The following EP400 variants were observed in gnomAD, a reference collection of about 807,000 sequenced individuals.
EP400 encodes the protein E1A-binding protein p400.
A neutral mutation model predicts 354.1 loss-of-function variants in EP400; 105 were observed. The ratio of observed to expected loss-of-function variants is 0.30; its 90% CI spans 0.25 to 0.35. The LOEUF (loss-of-function observed/expected upper bound fraction) is 0.35. Among genes scored for constraint, EP400 ranks in the 10% least tolerant of loss-of-function variants. The probability of loss-of-function intolerance (pLI) is 1.00; values close to 1 mark genes in which losing one functional copy is unlikely to be tolerated. For synonymous variants in EP400, 1,646 were observed against 1,716.9 expected, an observed-to-expected ratio of 0.96 and a Z score of 1.02; for missense variants, 3,280 against 4,121.0, an observed-to-expected ratio of 0.80 and a Z score of 5.59.
In EP400 at chr12:132,018,679, G is replaced by T. The variant is rs1894024028; in HGVS notation, c.4277+303G>T. Among the ~76,000 whole-genome samples the T allele has an allele frequency of 6.6e-6, 1 of 152,202 alleles. No individual in the cohort carries two copies. The highest frequency in any genetic ancestry group is 1.5e-5 in the Non-Finnish European group (1 of 68,028). Reference sequence around the variant, plus strand: ...GGTGCCTCGTGTGGTGGAGGCTGGTGTGGCCGAACCACACATGTGTCGTGA... The same window carrying T: ...GGTGCCTCGTGTGGTGGAGGCTGGTTTGGCCGAACCACACATGTGTCGTGA... On this transcript the variant is annotated intron_variant, in intron 21 of 52. Transcript: ENST00000389561. This position sits in a 1 kb window ranked among gnomAD's most constrained non-coding sequence, Gnocchi z 4.0.
chr12:131,982,469 C>A lies in EP400; in HGVS notation c.1920C>A (p.Ser640=), dbSNP rs1445257772. 2 of 1,603,294 alleles carry A rather than the reference C, an allele frequency of 1.2e-6. No homozygotes were observed. Among genetic ancestry groups the A allele is most frequent in the African/African-American group, 2.7e-5 (2 of 74,624 alleles). The change falls in exon 5 of 53, where the codon TCC becomes TCA. Residue 640 remains serine, a synonymous_variant. Coordinates refer to ENST00000389561, the MANE Select transcript of EP400 (RefSeq NM_015409.5). ...KVQVQASQLS[S]LPQMVASTRL... The stretch of plus-strand genomic sequence containing the variant: ...AGGTGCAGGCCTCTCAGCTTTCCTC[C>A]CTGCCACAGGTATGAGAAAAGATAG...
In EP400 at chr12:131,986,739, A is replaced by G; in HGVS notation, c.2155A>G (p.Ser719Gly). 1 of 1,614,248 alleles carries G rather than the reference A, an allele frequency of 6.2e-7. No homozygotes were observed. Among genetic ancestry groups the G allele is most frequent in the Non-Finnish European group, 8.5e-7 (1 of 1,180,048 alleles). ...GGCATCTGCCCCCACCAAACCACAG[A>G]GTCCTGCTCAGAATGCCACCTCGTC... is the stretch of plus-strand genomic sequence containing the variant. ...VVASAPTKPQSPAQNATSSQD... is the reference protein window; with the variant it reads ...VVASAPTKPQGPAQNATSSQD... Residue 719 changes from serine (S) to glycine (G), a missense_variant, in exon 6 of 53, where the codon AGT becomes GGT. This residue lies in a region of EP400 where 800 missense variants were observed against 840.0 expected (regional missense o/e 0.95). Transcript: ENST00000389561.
At chr12:132,047,072 G>C (rs1895122727) in intron 39 of EP400, among the ~76,000 whole-genome samples, 1 of 152,254 alleles carries the variant, frequency 6.6e-6, no homozygotes, top group Admixed American at 6.5e-5. Context: ...ATAGTAGCCA[G>C]ATCCATCCTC....
chr12:132,012,354 G>A (rs1280816736), intron 16 of EP400, among the ~76,000 whole-genome samples: 3 of 152,222 alleles, frequency 2.0e-5, no homozygotes, highest in African/African-American at 7.2e-5. Flanking sequence ...AGCAGATTTA[G>A]TGTCTGGTGA....
At chr12:131,965,747 T>A (rs1408628986) in intron 2 of EP400, among the ~76,000 whole-genome samples, 1 of 152,244 alleles carries the variant, frequency 6.6e-6, no homozygotes, top group Non-Finnish European at 1.5e-5. Context: ...TTCTTTCACT[T>A]AAGATAATGC....
chr12:132,032,323 T>C (rs1281798575), intron 30 of EP400, among the ~76,000 whole-genome samples, 174 bp downstream of exon 30: 2 of 152,236 alleles, frequency 1.3e-5, no homozygotes, highest in African/African-American at 2.4e-5. Flanking sequence ...ATGCATGATA[T>C]CTAATTTTAA....
Position 132,037,962 on chromosome 12 carries a change from C to T in EP400, c.6073C>T (p.Gln2025Ter). ...ACATCTCTGTGTTCAGCGAACCATC[C>T]AGGAGCTGTTTGAAGTTTATTCTCC... The part of the protein sequence containing the change: ...SMAFLTQRTI[Q>*]ELFEVYSPMD... Residue 2025 changes from glutamine (Q) to a stop codon, truncating the protein, a stop_gained, in exon 32 of 53, where the codon CAG becomes TAG. Transcript: ENST00000389561. LOFTEE classifies it high-confidence loss of function. The T allele has an allele frequency of 6.2e-7, 1 of 1,614,204 alleles. No homozygotes were observed. The highest frequency in any genetic ancestry group is 8.5e-7 in the Non-Finnish European group (1 of 1,180,032).
chr12:132,060,690 G>A (rs566366900), intron 45 of EP400, among the ~76,000 whole-genome samples: 4 of 152,258 alleles, frequency 2.6e-5, no homozygotes, highest in Non-Finnish European at 5.9e-5. Context: ...GGCCGAGGCG[G>A]GCAGATCTGA....
intron 45 of EP400, among the ~76,000 whole-genome samples, chr12:132,058,854 A>AGC (rs1895601696): frequency 6.7e-6 from 1 of 149,916 alleles, no homozygotes; most frequent in African/African-American, 2.5e-5. Flanking sequence ...GGGTACAATC[A>AGC]CAGCTCACTG....
Position 132,045,513 on chromosome 12 carries a change from C to A in EP400, c.6979C>A (p.Gln2327Lys). 6.2e-7 allele frequency: 1 copy of A among 1,614,196 alleles called. No homozygotes were observed. The highest frequency in any genetic ancestry group is 1.1e-5 in the South Asian group (1 of 91,060). ...TGCCAAACCCACAGCTGAGCCTGGT[C>A]AAGACAACCCCGAGTGGCTCATCAG... is the stretch of plus-strand genomic sequence containing the variant. ...TFAKPTAEPG[Q>K]DNPEWLISED... The change falls in exon 38 of 53, where the codon CAA becomes AAA. Residue 2327 changes from glutamine to lysine, a missense_variant. Physicochemically the swap from Gln to Lys is moderately conservative, Grantham distance 53. Transcript: ENST00000389561.
intron 51 of EP400, among the ~76,000 whole-genome samples, chr12:132,071,913 GGT>G (rs748424472): frequency 9.9e-5 from 15 of 152,214 alleles, no homozygotes; most frequent in Non-Finnish European, 2.1e-4. Context: ...CATGAGTACA[GGT>G]GTGTCCGAGG....
intron 7 of EP400, 64 bp downstream of exon 7, chr12:131,987,954 T>A: frequency 7.4e-7 from 1 of 1,348,924 alleles, no homozygotes; most frequent in Middle Eastern, 2.5e-4. Context: ...TTTGCAGTGG[T>A]GTAAGTGGTG....
chr12:132,019,629 G>A (rs1225238746), intron 21 of EP400, among the ~76,000 whole-genome samples: 1 of 152,166 alleles, frequency 6.6e-6, no homozygotes, highest in Non-Finnish European at 1.5e-5. Flanking sequence ...TTGAAGCCGG[G>A]AGTTTGAGGC....
At chr12:131,997,130 C>G (rs1893240922) in intron 12 of EP400, among the ~76,000 whole-genome samples, 1 of 152,024 alleles carries the variant, frequency 6.6e-6, no homozygotes, top group Non-Finnish European at 1.5e-5. Flanking sequence ...GAGTGCCAAC[C>G]CGCCCCCACC....
intron 39 of EP400, among the ~76,000 whole-genome samples, chr12:132,048,519 A>ATT (rs35268260): frequency 0.023 from 3,120 of 133,584 alleles, 104 homozygotes; most frequent in South Asian, 0.094. Flanking sequence ...TTTGAGAGTG[A>ATT]TTTTTTTTTT....
At chr12:131,996,568 G>A (rs1163496680) in intron 12 of EP400, among the ~76,000 whole-genome samples, 1 of 152,056 alleles carries the variant, frequency 6.6e-6, no homozygotes, top group African/African-American at 2.4e-5. Flanking sequence ...TGGGATTACA[G>A]GCTTGAGCCA....
In EP400 at chr12:132,054,555, A is replaced by G. The variant is rs566411594; in HGVS notation, c.7729-419A>G. Among the ~76,000 whole-genome samples the G allele has an allele frequency of 6.6e-6, 1 of 152,238 alleles. No individual in the cohort carries two copies. The highest frequency in any genetic ancestry group is 2.1e-4 in the South Asian group (1 of 4,818). ...TTTCTGAGGACTTGGCATTTGAGCT[A>G]AGGCCTGAATGACAAGGAGTTGGTC... is the stretch of plus-strand genomic sequence containing the variant. On this transcript the variant is annotated intron_variant, in intron 43 of 52. Transcript: ENST00000389561. The surrounding 1 kb of genome is among the most constrained non-coding windows in gnomAD (Gnocchi z 4.0).
chr12:132,029,600 G>A lies in EP400; in HGVS notation c.5382-101G>A, dbSNP rs947122503. ...TGGGTTGAGCCCTGCTGTTTCCTGGGACTTGGACTGTCAGAAGTCTGCCCC... is the reference window on the plus strand; with the variant it reads ...TGGGTTGAGCCCTGCTGTTTCCTGGAACTTGGACTGTCAGAAGTCTGCCCC... On this transcript the variant is annotated intron_variant, in intron 27 of 52. Coordinates refer to ENST00000389561, the MANE Select transcript of EP400 (RefSeq NM_015409.5). This position sits in a 1 kb window ranked among gnomAD's most constrained non-coding sequence, Gnocchi z 4.7. 4 of 1,329,838 alleles carry A rather than the reference G, an allele frequency of 3.0e-6. No homozygotes were observed. The highest frequency in any genetic ancestry group is 2.9e-5 in the African/African-American group (2 of 68,948). 82.4% of individuals were successfully genotyped at this position (1,329,838 alleles called of 1,614,324 possible).
In EP400 at chr12:132,029,922, C is replaced by T. The variant is rs545924129; in HGVS notation, c.5584+19C>T. On this transcript the variant is annotated intron_variant, in intron 28 of 52. Transcript: ENST00000389561. The surrounding 1 kb of genome is among the most constrained non-coding windows in gnomAD (Gnocchi z 4.7). ...GACTCAGGTATGCGGCAGTTGGGGG[C>T]GTGGCCCGTGCGGGAGCTGCACCGG... 1.1e-5 allele frequency: 18 copies of T among 1,611,116 alleles called. No homozygotes were observed. Among genetic ancestry groups the T allele is most frequent in the East Asian group, 4.5e-5 (2 of 44,862 alleles).
Sources: allele counts gnomAD v4.1 joint callset (sites outside exome capture counted in the v4.1 genomes callset), GRCh38; gene constraint gnomAD v4.1.1; regional missense constraint gnomAD v4.1.1; non-coding constraint Gnocchi (gnomAD v3.1); transcripts MANE v1.5; gene names NCBI Gene and HGNC (gene_info 2026-07-23, HGNC 2026-07-21).